The following TRAK1 variants were observed in gnomAD, a reference collection of about 807,000 sequenced individuals.
The protein encoded by TRAK1 is trafficking kinesin protein 1, also known as trafficking kinesin-binding protein 1.
TRAK1 carries 33 observed loss-of-function variants against 92.1 expected under a neutral mutation model. The observed-to-expected ratio is 0.36, with a 90% CI of 0.27 to 0.48. TRAK1 has a LOEUF of 0.48. Among genes scored for constraint, TRAK1 ranks in the 20% least tolerant of loss-of-function variants. TRAK1 has a pLI of 0.99. For synonymous variants in TRAK1, 521 were observed against 517.3 expected (o/e 1.01, Z -0.10); for missense variants, 1,123 against 1,257.9 (o/e 0.89, Z 1.62).
intron 2 of TRAK1, among the ~76,000 whole-genome samples, chr3:42,154,207 G>C (rs930365626): frequency 1.3e-5 from 2 of 151,984 alleles, no homozygotes; most frequent in Non-Finnish European, 2.9e-5. Flanking sequence ...GAGTCTTGCT[G>C]TGTCATCCAG....
chr3:42,036,890 C>A (rs1702347891), intron 1 of TRAK1, among the ~76,000 whole-genome samples: 1 of 152,204 alleles, frequency 6.6e-6, no homozygotes, highest in African/African-American at 2.4e-5. Flanking sequence ...GCTAGGATTA[C>A]AGGTGCATGC....
chr3:42,027,814 A>G (rs1161992632), intron 1 of TRAK1, among the ~76,000 whole-genome samples: 1 of 152,156 alleles, frequency 6.6e-6, no homozygotes, highest in East Asian at 1.9e-4. Context: ...AAGGAGGGGA[A>G]TCATAAAGTA....
At chr3:42,120,802 TC>T (rs1709752655) in intron 1 of TRAK1, among the ~76,000 whole-genome samples, 1 of 152,066 alleles carries the variant, frequency 6.6e-6, no homozygotes, top group African/African-American at 2.4e-5. Flanking sequence ...CACCTCAGCC[TC>T]CCAAAGTGCT....
chr3:42,148,396 GA>G, intron 2 of TRAK1, among the ~76,000 whole-genome samples: 1 of 152,154 alleles, frequency 6.6e-6, no homozygotes, highest in Non-Finnish European at 1.5e-5. Context: ...GGATAGCCTA[GA>G]ATCTGTCTTA....
At chr3:42,184,313 G>A (rs896768984) in intron 3 of TRAK1, among the ~76,000 whole-genome samples, 5 of 152,120 alleles carry the variant, frequency 3.3e-5, no homozygotes, top group African/African-American at 7.2e-5. Context: ...TCCCTGTGCC[G>A]GGCCCTGGCA....
intron 2 of TRAK1, among the ~76,000 whole-genome samples, chr3:42,157,071 GA>G (rs1474920735): frequency 6.6e-6 from 1 of 151,748 alleles, no homozygotes; most frequent in Non-Finnish European, 1.5e-5. Flanking sequence ...AGAATAGTTT[GA>G]ACCCAGGAGG....
chr3:42,092,707 T>C (rs1705243836), intron 1 of TRAK1, among the ~76,000 whole-genome samples: 1 of 134,464 alleles, frequency 7.4e-6, no homozygotes, highest in South Asian at 2.6e-4. Flanking sequence ...TGTTGTGTTG[T>C]GTTGTGTTAT....
intron 1 of TRAK1, among the ~76,000 whole-genome samples, chr3:42,023,755 T>G (rs1344727301): frequency 1.5e-5 from 2 of 137,266 alleles, no homozygotes; most frequent in Admixed American, 7.3e-5. Context: ...TTTTTTTTTT[T>G]TTTTTTTTTT....
Position 42,100,313 on chromosome 3 carries a change from G to A in TRAK1, c.91+8753G>A, listed in dbSNP as rs368209749. Among the ~76,000 whole-genome samples, 17 of 152,290 alleles carry A rather than the reference G, an allele frequency of 1.1e-4. No homozygotes were observed. In the East Asian group the frequency reaches 2.3e-3, roughly 21 times the overall value. ...GCCCAGGGTGTAGAGGCCACAGTGCGCCATGATTGTGCCACTGCACTCCAG... is the reference window on the plus strand; with the variant it reads ...GCCCAGGGTGTAGAGGCCACAGTGCACCATGATTGTGCCACTGCACTCCAG... On this transcript the variant is annotated intron_variant, in intron 1 of 15. Coordinates refer to ENST00000327628, the MANE Select transcript of TRAK1 (RefSeq NM_001042646.3).
chr3:42,107,068 C>T (rs890660335), intron 1 of TRAK1, among the ~76,000 whole-genome samples: 3 of 152,178 alleles, frequency 2.0e-5, no homozygotes, highest in Admixed American at 1.3e-4. Context: ...TAGTTAGAGC[C>T]ACCTTTGAAG....
At chr3:42,155,395 G>A (rs1700425642) in intron 2 of TRAK1, among the ~76,000 whole-genome samples, 1 of 152,138 alleles carries the variant, frequency 6.6e-6, no homozygotes, top group African/African-American at 2.4e-5. Context: ...AGCTTTTCCG[G>A]CATCTGCTGT....
At chr3:42,136,174 G>A (rs375056437) in intron 2 of TRAK1, among the ~76,000 whole-genome samples, 1 of 152,100 alleles carries the variant, frequency 6.6e-6, no homozygotes, top group African/African-American at 2.4e-5. Context: ...GACTTCATTG[G>A]TGATGACATG....
chr3:42,184,893 A>T, intron 4 of TRAK1, 92 bp downstream of exon 4: 4 of 1,254,782 alleles, frequency 3.2e-6, no homozygotes, highest in Non-Finnish European at 4.6e-6. Context: ...ATGGAGTCCT[A>T]GTTGGAAGGA....
intron 2 of TRAK1, among the ~76,000 whole-genome samples, chr3:42,128,942 T>G (rs1439613843): frequency 6.6e-6 from 1 of 152,268 alleles, no homozygotes; most frequent in East Asian, 1.9e-4. Flanking sequence ...TTTATTTCTT[T>G]TATTCTTTAA....
At chr3:42,068,167 AAAAG>A (rs1265900345) in intron 1 of TRAK1, among the ~76,000 whole-genome samples, 3 of 152,042 alleles carry the variant, frequency 2.0e-5, no homozygotes, top group African/African-American at 7.2e-5. Flanking sequence ...CTAAAAAAAA[AAAAG>A]AAGAAACAGG....
Position 42,224,612 on chromosome 3 carries a change from T to TG in TRAK1, c.*878dup. 1 of 152,330 alleles carries TG rather than the reference T, an allele frequency of 6.6e-6. No homozygotes were observed. The highest frequency in any genetic ancestry group is 1.5e-5 in the Non-Finnish European group (1 of 68,128). The allele number at this position is 152,330 out of a possible 1,614,324, so 9.4% of individuals were successfully genotyped here. On this transcript the variant is annotated 3_prime_UTR_variant, in exon 16 of 16. Transcript: ENST00000327628. Reference sequence around the variant, plus strand: ...CGCTAATGAGATAGCAGCTTTTTTCTGGGACCCAGAGTCACAACCAAATTG... The same window carrying TG: ...CGCTAATGAGATAGCAGCTTTTTTCTGGGGACCCAGAGTCACAACCAAATTG...
rs760873361 is a variant in TRAK1, at chr3:42,202,791, G to C, written c.1744+39G>C. 24 of 1,608,212 alleles carry C rather than the reference G, an allele frequency of 1.5e-5. No individual in the cohort carries two copies. The highest frequency in any genetic ancestry group is 2.0e-5 in the Non-Finnish European group (24 of 1,175,986). ...GCCTCGGCCCCTCTCTGTCCTCCTG[G>C]GGGACTCCCTTTGGTCCCTGATCCA... On this transcript the variant is annotated intron_variant, in intron 13 of 15. Coordinates refer to ENST00000327628, the MANE Select transcript of TRAK1 (RefSeq NM_001042646.3). This position sits in a 1 kb window ranked among gnomAD's most constrained non-coding sequence, Gnocchi z 6.1.
intron 1 of TRAK1, among the ~76,000 whole-genome samples, chr3:42,108,588 GCA>G (rs1707916943): frequency 6.6e-6 from 1 of 151,276 alleles, no homozygotes; most frequent in African/African-American, 2.4e-5. Context: ...AATGGTATTT[GCA>G]TAGCATGATG....
intron 2 of TRAK1, among the ~76,000 whole-genome samples, chr3:42,152,251 T>G (rs2149264174): frequency 6.6e-6 from 1 of 152,286 alleles, no homozygotes; most frequent in Middle Eastern, 3.4e-3. Flanking sequence ...GGACAGGGGC[T>G]TATAATAATA....
Sources: gnomAD v4.1 joint callset for allele counts (sites outside exome capture counted in the v4.1 genomes callset) on GRCh38, gnomAD v4.1.1 for gene constraint, Gnocchi (gnomAD v3.1) non-coding constraint, MANE v1.5 for transcripts, NCBI Gene and HGNC (gene_info 2026-07-23, HGNC 2026-07-21) for gene names.